Variants in CPXM2 observed in about 807,000 individuals in gnomAD.
The protein encoded by CPXM2 is carboxypeptidase X, M14 family member 2.
In CPXM2, 66 loss-of-function variants were observed where a neutral mutation model predicts 86.1. The ratio of observed to expected loss-of-function variants is 0.77; its 90% CI spans 0.63 to 0.94. The LOEUF (loss-of-function observed/expected upper bound fraction) is 0.94, where lower values mean the gene tolerates loss of function less well. Among genes scored for constraint, CPXM2 ranks in the 40% least tolerant of loss-of-function variants. The pLI, the probability that CPXM2 is intolerant of heterozygous loss-of-function variation, is 0.00. For missense variants in CPXM2, 948 were observed against 1,026.3 expected, an observed-to-expected ratio of 0.92 and a Z score of 1.04; for synonymous variants, 388 against 400.2, an observed-to-expected ratio of 0.97 and a Z score of 0.36.
chr10:123,762,172 G>C lies in CPXM2; in HGVS notation c.1480-3C>G, dbSNP rs752494872. On this transcript the variant is annotated splice_region_variant and splice_polypyrimidine_tract_variant and intron_variant, in intron 10 of 13. Transcript: ENST00000241305. ...ACTGCTCTGGTCTCGGCAGCCACCT[G>C]TGAACATCCCAAATGGACGAGTAAA... The C allele has an allele frequency of 6.2e-7, 1 of 1,614,126 alleles. No homozygotes were observed. Among genetic ancestry groups the C allele is most frequent in the Admixed American group, 1.7e-5 (1 of 60,030 alleles).
chr10:123,919,172 T>G (rs1945560894), intron 2 of CPXM2, among the ~76,000 whole-genome samples: 1 of 152,018 alleles, frequency 6.6e-6, no homozygotes, highest in African/African-American at 2.4e-5. Flanking sequence ...CCCTGGGTGG[T>G]CCCCACACAG....
intron 2 of CPXM2, among the ~76,000 whole-genome samples, chr10:123,914,286 C>T (rs7476623): frequency 0.42 from 64,133 of 151,956 alleles, 13,881 homozygotes; most frequent in Middle Eastern, 0.58. Flanking sequence ...TCTGGGATAC[C>T]GGAATGCCCT....
chr10:123,816,086 G>A (rs1043761611), intron 4 of CPXM2, among the ~76,000 whole-genome samples: 1 of 151,864 alleles, frequency 6.6e-6, no homozygotes, highest in Non-Finnish European at 1.5e-5. Context: ...TAGAGGAAGG[G>A]ATCCAAAGGC....
intron 2 of CPXM2, among the ~76,000 whole-genome samples, chr10:123,936,050 C>T (rs1355637750): frequency 0.026 from 7 of 270 alleles, no homozygotes; most frequent in Admixed American, 0.062. Flanking sequence ...TCACCATCAT[C>T]ACCATCACCA....
chr10:123,883,834 C>A (rs570699841), intron 1 of CPXM2, among the ~76,000 whole-genome samples: 115 of 152,196 alleles, frequency 7.6e-4, no homozygotes, highest in African/African-American at 2.6e-3. Context: ...TCTCTCCTAA[C>A]AAGAAAGGCA....
chr10:123,863,869 C>A (rs547631102), intron 2 of CPXM2, among the ~76,000 whole-genome samples: 2 of 152,178 alleles, frequency 1.3e-5, no homozygotes, highest in Admixed American at 6.5e-5. Flanking sequence ...GGACAATGGG[C>A]CCCTGCTGTC....
intron 2 of CPXM2, among the ~76,000 whole-genome samples, chr10:123,914,572 T>C (rs2134273305): frequency 6.6e-6 from 1 of 152,284 alleles, no homozygotes; most frequent in African/African-American, 2.4e-5. Context: ...CCTTCCCAGA[T>C]TCGTTTTCCT....
chr10:123,883,263 G>T (rs149116349), intron 1 of CPXM2, among the ~76,000 whole-genome samples: 242 of 152,340 alleles, frequency 1.6e-3, no homozygotes, highest in African/African-American at 5.7e-3. Flanking sequence ...GTGGCAGATG[G>T]GGCTGAGACA....
chr10:123,850,841 G>A (rs1286576610), intron 3 of CPXM2, among the ~76,000 whole-genome samples: 1 of 152,184 alleles, frequency 6.6e-6, no homozygotes, highest in Non-Finnish European at 1.5e-5. Flanking sequence ...TAGCATCTAA[G>A]AGCATTTGGT....
At chr10:123,752,606 G>C in intron 13 of CPXM2, 1 of 985,310 alleles carries the variant, frequency 1.0e-6, no homozygotes, top group Non-Finnish European at 1.2e-6. Context: ...AGGTGGAATG[G>C]GATCTTTTGT....
At position 123,818,282 on chromosome 10, in the gene CPXM2, A is replaced by G. The variant is rs1466358867; in HGVS notation, c.654-19083T>C. Among the ~76,000 whole-genome samples, 3 of 152,230 alleles carry G rather than the reference A, an allele frequency of 2.0e-5. No homozygotes were observed. The East Asian group carries it at 5.8e-4, about 29-fold the overall frequency. On this transcript the variant is annotated intron_variant, in intron 4 of 13. Transcript: ENST00000241305. ...GAACAAAGTAGCCATGGGGGCAGGG[A>G]TGGAGGTTACGCATGGGCTCAGCAA...
intron 3 of CPXM2, among the ~76,000 whole-genome samples, chr10:123,845,011 G>A (rs1042923188): frequency 6.7e-6 from 1 of 149,986 alleles, no homozygotes; most frequent in Non-Finnish European, 1.5e-5. Flanking sequence ...AGGCTGCAGT[G>A]AGCCAAGATT....
intron 4 of CPXM2, among the ~76,000 whole-genome samples, chr10:123,803,702 C>T (rs553854380): frequency 2.0e-5 from 3 of 152,214 alleles, no homozygotes; most frequent in East Asian, 3.9e-4. Context: ...CTCTCTGTCA[C>T]TCAGGCTGGG....
intron 7 of CPXM2, among the ~76,000 whole-genome samples, chr10:123,778,838 A>T (rs532227000): frequency 1.3e-5 from 2 of 152,338 alleles, no homozygotes; most frequent in Admixed American, 6.5e-5. Flanking sequence ...AGCAGCAGGG[A>T]TGATTCACAG....
intron 1 of CPXM2, among the ~76,000 whole-genome samples, chr10:123,888,587 A>G (rs1484890868): frequency 6.6e-6 from 1 of 152,256 alleles, no homozygotes; most frequent in African/African-American, 2.4e-5. Context: ...TAGAAAAAAA[A>G]TAATTTTCTC....
At chr10:123,776,722 T>C (rs1846799507) in intron 7 of CPXM2, 1 of 152,190 alleles carries the variant, frequency 6.6e-6, no homozygotes, top group Non-Finnish European at 1.5e-5. Context: ...AAGATGTAAC[T>C]ATCCTCTCAT....
At chr10:123,866,263 G>A (rs1250050300) in intron 2 of CPXM2, among the ~76,000 whole-genome samples, 2 of 152,056 alleles carry the variant, frequency 1.3e-5, no homozygotes, top group East Asian at 1.9e-4. Flanking sequence ...CCAATCACAC[G>A]CACAAAGTTT....
At chr10:123,809,102 G>A (rs1847638406) in intron 4 of CPXM2, among the ~76,000 whole-genome samples, 1 of 152,048 alleles carries the variant, frequency 6.6e-6, no homozygotes, top group Non-Finnish European at 1.5e-5. Flanking sequence ...CCATGCTGTA[G>A]AGGCTTCCTG....
In CPXM2 at chr10:123,773,877, G is replaced by T. The variant is rs140203924; in HGVS notation, c.979-2838C>A. Among the ~76,000 whole-genome samples, 5 of 152,304 alleles carry T rather than the reference G, an allele frequency of 3.3e-5. No homozygotes were observed. In the East Asian group the frequency reaches 7.7e-4, roughly 24 times the overall value. On this transcript the variant is annotated intron_variant, in intron 7 of 13. Transcript: ENST00000241305. ...CCAGGGGCCAAAGGAGGTACCAAGGGCTCTGCAAGTCACAGGAGAAAAGGC... is the reference window on the plus strand; with the variant it reads ...CCAGGGGCCAAAGGAGGTACCAAGGTCTCTGCAAGTCACAGGAGAAAAGGC...
Sources: gnomAD v4.1 joint callset for allele counts (sites outside exome capture counted in the v4.1 genomes callset) on GRCh38, gnomAD v4.1.1 for gene constraint, MANE v1.5 for transcripts, NCBI Gene and HGNC (gene_info 2026-07-23, HGNC 2026-07-21) for gene names.